OLFML2B: variants seen among roughly 807,000 people sequenced by gnomAD.
OLFML2B encodes the protein olfactomedin like 2B, also known as olfactomedin-like protein 2B.
A neutral mutation model predicts 74.9 loss-of-function variants in OLFML2B; 57 were observed. The ratio of observed to expected loss-of-function variants is 0.76; its 90% CI spans 0.61 to 0.95. The LOEUF (loss-of-function observed/expected upper bound fraction) is 0.95. Among genes scored for constraint, OLFML2B ranks in the 40% least tolerant of loss-of-function variants. The pLI is 0.00. For missense variants in OLFML2B, 986 were observed against 970.6 expected (o/e 1.02, Z -0.21); for synonymous variants, 388 against 405.8 (o/e 0.96, Z 0.53).
At chr1:161,984,345 G>A in intron 7 of OLFML2B, 69 bp from the exon 8 acceptor site, 2 of 1,502,574 alleles carry the variant, frequency 1.3e-6, no homozygotes, top group Non-Finnish European at 1.8e-6. Context: ...ATGTGGTTAA[G>A]TGAGTGATGA....
intron 4 of OLFML2B, among the ~76,000 whole-genome samples, chr1:162,004,043 C>G (rs973726086): frequency 6.6e-6 from 1 of 152,210 alleles, no homozygotes; most frequent in Non-Finnish European, 1.5e-5. Context: ...TGTTTGCCCT[C>G]AGGAAATCTG....
chr1:161,990,990 T>A (rs1393133668), intron 6 of OLFML2B, among the ~76,000 whole-genome samples: 1 of 152,228 alleles, frequency 6.6e-6, no homozygotes, highest in Admixed American at 6.5e-5. Context: ...AGTTTGATCA[T>A]CAGATTGCAG....
At chr1:161,984,687 CAGA>C in intron 7 of OLFML2B, 114 bp downstream of exon 7, 1 of 1,070,198 alleles carries the variant, frequency 9.3e-7, no homozygotes, top group Non-Finnish European at 1.4e-6. Context: ...CTTTAGCCAT[CAGA>C]AGAAGGTGTC....
At chr1:162,012,037 T>C (rs558804239) in intron 3 of OLFML2B, among the ~76,000 whole-genome samples, 5 of 152,340 alleles carry the variant, frequency 3.3e-5, no homozygotes, top group African/African-American at 9.6e-5. Context: ...TTGAATTAAA[T>C]AGTGTTAGGC....
At chr1:162,006,532 G>T in intron 3 of OLFML2B, 59 bp from the exon 4 acceptor site, 1 of 1,347,546 alleles carries the variant, frequency 7.4e-7, no homozygotes, top group Non-Finnish European at 1.0e-6. Flanking sequence ...GCAGGAGGCA[G>T]CTAGCAGCCA....
intron 4 of OLFML2B, 101 bp from the exon 5 acceptor site, chr1:162,000,439 A>C: frequency 1.2e-6 from 1 of 844,328 alleles, no homozygotes. Flanking sequence ...TAATAACAGC[A>C]GCACTTCCGA....
chr1:161,993,085 G>A (rs561238388), intron 6 of OLFML2B, among the ~76,000 whole-genome samples: 2 of 152,158 alleles, frequency 1.3e-5, no homozygotes, highest in Non-Finnish European at 2.9e-5. Context: ...AGGAGAGAGA[G>A]ACAGAGAGAG....
chr1:161,986,864 C>T (rs750342838), intron 6 of OLFML2B, among the ~76,000 whole-genome samples: 4 of 152,246 alleles, frequency 2.6e-5, no homozygotes, highest in Non-Finnish European at 5.9e-5. Context: ...GCCCTCAAGC[C>T]CCACAGATGG....
intron 5 of OLFML2B, among the ~76,000 whole-genome samples, chr1:161,999,904 C>A (rs1001178048): frequency 6.6e-6 from 1 of 152,190 alleles, no homozygotes; most frequent in African/African-American, 2.4e-5. Context: ...TGGTCTTCTG[C>A]AAGCTCAGAG....
chr1:162,010,848 C>T (rs1227363642), intron 3 of OLFML2B, among the ~76,000 whole-genome samples: 1 of 151,948 alleles, frequency 6.6e-6, no homozygotes, highest in South Asian at 2.1e-4. Context: ...CTCTCTAGGC[C>T]CCAGGCAGGA....
In OLFML2B at chr1:162,000,266, G is replaced by C. The variant is rs146317042; in HGVS notation, c.796C>G (p.Pro266Ala). 54 of 1,613,540 alleles carry C rather than the reference G, an allele frequency of 3.3e-5. No individual in the cohort carries two copies. The African/African-American group carries it at 6.7e-4, about 20-fold the overall frequency. The change falls in exon 5 of 8, where the codon CCC (proline) becomes GCC (alanine). Residue 266 changes from proline (P) to alanine (A), a missense_variant. Coordinates refer to ENST00000294794, the MANE Select transcript of OLFML2B (RefSeq NM_015441.3). ...TTCACCACCTCAGGCAGAGCCAGGG[G>C]TCGCGTCTGCAGAAGTTCGATGGAG... Reference protein sequence around the residue: ...INSIELLQTRPLALPEVVKSQ... With the variant: ...INSIELLQTRALALPEVVKSQ...
chr1:161,989,676 C>T (rs191476048), intron 6 of OLFML2B, among the ~76,000 whole-genome samples: 12 of 152,276 alleles, frequency 7.9e-5, no homozygotes, highest in South Asian at 2.1e-4. Context: ...TTTTCACCCT[C>T]GAACTTGTAT....
At position 162,023,711 on chromosome 1, in the gene OLFML2B, C is replaced by G; in HGVS notation, c.-281G>C. 4.1e-6 allele frequency: 1 copy of G among 244,956 alleles called. No individual in the cohort carries two copies. Among genetic ancestry groups the G allele is most frequent in the Non-Finnish European group, 7.8e-6 (1 of 128,700 alleles). The allele number at this position is 244,956 out of a possible 1,614,324, so 15.2% of individuals were successfully genotyped here. On this transcript the variant is annotated 5_prime_UTR_variant, in exon 1 of 8. Transcript: ENST00000294794. ...GAAGGTGGAGGCGGGCACGGGCTAG[C>G]TGAGCGAGTCGCCCGCAGGAGGGCT...
intron 4 of OLFML2B, among the ~76,000 whole-genome samples, chr1:162,003,150 A>G (rs2101964545): frequency 6.6e-6 from 1 of 152,270 alleles, no homozygotes; most frequent in African/African-American, 2.4e-5. Flanking sequence ...AGCTGTGACC[A>G]CAGGACTAAC....
At chr1:161,985,251 T>C in intron 6 of OLFML2B, 1 of 343,048 alleles carries the variant, frequency 2.9e-6, no homozygotes, top group Non-Finnish European at 5.3e-6. Flanking sequence ...AGTCCTATCC[T>C]TCAAAGACCT....
chr1:162,006,283 G>A lies in OLFML2B; in HGVS notation c.723+14C>T, dbSNP rs890685839. The stretch of plus-strand genomic sequence containing the variant: ...GGGCTTGTGATCAGAGGCCCTTGGA[G>A]GCTGGGGCTATACCTCTGGGTGGGC... On this transcript the variant is annotated intron_variant, in intron 4 of 7. Coordinates refer to ENST00000294794, the MANE Select transcript of OLFML2B (RefSeq NM_015441.3). 22 of 1,548,364 alleles carry A rather than the reference G, an allele frequency of 1.4e-5. No individual in the cohort carries two copies. Among genetic ancestry groups the A allele is most frequent in the Non-Finnish European group, 1.8e-5 (21 of 1,151,572 alleles).
intron 4 of OLFML2B, among the ~76,000 whole-genome samples, chr1:162,002,464 C>T (rs1690107264): frequency 6.6e-6 from 1 of 152,254 alleles, no homozygotes; most frequent in African/African-American, 2.4e-5. Flanking sequence ...TTTAGCTACT[C>T]CATGTTGGCT....
chr1:161,985,430 G>A lies in OLFML2B; in HGVS notation c.1475-450C>T, dbSNP rs1011278180. The stretch of plus-strand genomic sequence containing the variant: ...CCTCCCTCCACGCCTGCCCCCAACC[G>A]GAGCGTAAGCACCAAGGGATGAGGG... On this transcript the variant is annotated intron_variant, in intron 6 of 7. Transcript: ENST00000294794. 5.9e-5 allele frequency among the ~76,000 whole-genome samples: 9 copies of A among 152,266 alleles called. No homozygotes were observed. In the South Asian group the frequency reaches 8.3e-4, roughly 14 times the overall value.
chr1:162,012,450 T>A lies in OLFML2B; in HGVS notation c.546+4950A>T, dbSNP rs536648008. On this transcript the variant is annotated intron_variant, in intron 3 of 7. Transcript: ENST00000294794. ...TGGGGGAGAAGCCCTCAGCAATGCC[T>A]GTGCCAGTACATTCTGGGGAGCGGA... Among the ~76,000 whole-genome samples, 121 of 152,248 alleles carry A rather than the reference T, an allele frequency of 7.9e-4. 1 individual carries two copies. The highest frequency in any genetic ancestry group is 3.1e-3 in the Admixed American group (47 of 15,286).
Sources: gnomAD v4.1 joint callset for allele counts (sites outside exome capture counted in the v4.1 genomes callset) on GRCh38, gnomAD v4.1.1 for gene constraint, MANE v1.5 for transcripts, NCBI Gene and HGNC (gene_info 2026-07-23, HGNC 2026-07-21) for gene names.